The following ST8SIA1 variants were observed in gnomAD, a reference collection of about 807,000 sequenced individuals.
The protein encoded by ST8SIA1 is ST8 alpha-N-acetyl-neuraminide alpha-2,8-sialyltransferase 1, also known as alpha-N-acetylneuraminide alpha-2,8-sialyltransferase.
In ST8SIA1, 16 loss-of-function variants were observed where a neutral mutation model predicts 35.9. The observed-to-expected ratio is 0.45, with a 90% CI of 0.30 to 0.68. The LOEUF is 0.68. Among genes scored for constraint, ST8SIA1 ranks in the 30% least tolerant of loss-of-function variants. The pLI is 0.09. For missense variants in ST8SIA1, 383 were observed against 453.6 expected, an observed-to-expected ratio of 0.84 and a Z score of 1.41; for synonymous variants, 170 against 169.6, an observed-to-expected ratio of 1.00 and a Z score of -0.02.
intron 1 of ST8SIA1, among the ~76,000 whole-genome samples, chr12:22,314,375 T>A (rs1565594096): frequency 1.3e-5 from 2 of 152,084 alleles, no homozygotes. Context: ...ACGTATGCCA[T>A]CATGGTGATA....
intron 2 of ST8SIA1, among the ~76,000 whole-genome samples, chr12:22,280,749 C>T (rs931240523): frequency 1.2e-4 from 18 of 152,168 alleles, no homozygotes; most frequent in Admixed American, 2.6e-4. Context: ...CACTTCTAAT[C>T]GATTGTTTTC....
chr12:22,261,114 A>T (rs764509521), intron 2 of ST8SIA1, among the ~76,000 whole-genome samples: 22 of 150,684 alleles, frequency 1.5e-4, no homozygotes, highest in Non-Finnish European at 2.8e-4. Flanking sequence ...ATTTTGAACA[A>T]ATCAATATTT....
In ST8SIA1 at chr12:22,334,035, C is replaced by A. The variant is rs766742461; in HGVS notation, c.198G>T (p.Thr66=). 2.5e-6 allele frequency: 4 copies of A among 1,613,952 alleles called. No homozygotes were observed. The highest frequency in any genetic ancestry group is 3.4e-6 in the Non-Finnish European group (4 of 1,180,014). ...CCGCGGTCTGGTTCCTCCTCCACGC[C>A]GTGCCCTGTTGCAGCACCCCCTGCA... ...EIVQGVLQQG[T]AWRRNQTAAR... The change falls in exon 1 of 5, where the codon ACG becomes ACT. Residue 66 remains threonine, a synonymous_variant. Transcript: ENST00000396037.
chr12:22,272,634 A>G (rs1356240529), intron 2 of ST8SIA1, among the ~76,000 whole-genome samples: 1 of 152,266 alleles, frequency 6.6e-6, no homozygotes, highest in Non-Finnish European at 1.5e-5. Context: ...TACTGGTATT[A>G]TAATAGCTGT....
At chr12:22,223,918 T>C (rs1591827904) in intron 4 of ST8SIA1, 2 of 748,634 alleles carry the variant, frequency 2.7e-6, no homozygotes, top group Non-Finnish European at 3.4e-6. Context: ...TTATCCTTTA[T>C]ACATTGCTAG....
chr12:22,287,607 T>C (rs1565587368), intron 1 of ST8SIA1, among the ~76,000 whole-genome samples: 1 of 152,286 alleles, frequency 6.6e-6, no homozygotes, highest in East Asian at 1.9e-4. Flanking sequence ...TACTGATTGA[T>C]TTAAACATCC....
At chr12:22,319,681 G>A (rs1374295131) in intron 1 of ST8SIA1, among the ~76,000 whole-genome samples, 2 of 152,124 alleles carry the variant, frequency 1.3e-5, no homozygotes, top group Admixed American at 6.5e-5. Context: ...TCACCTTGGC[G>A]AACATGAAGG....
At chr12:22,212,108 T>A (rs1374587521) in intron 4 of ST8SIA1, among the ~76,000 whole-genome samples, 3 of 152,246 alleles carry the variant, frequency 2.0e-5, no homozygotes, top group African/African-American at 4.8e-5. Flanking sequence ...CTGTGCAGTA[T>A]AAAACACATT....
chr12:22,270,883 C>A (rs2135806079), intron 2 of ST8SIA1, among the ~76,000 whole-genome samples: 1 of 152,250 alleles, frequency 6.6e-6, no homozygotes, highest in Non-Finnish European at 1.5e-5. Flanking sequence ...AAACAGTTGA[C>A]ATTAATTGCT....
intron 4 of ST8SIA1, among the ~76,000 whole-genome samples, chr12:22,227,127 G>A (rs1303496408): frequency 6.6e-6 from 1 of 151,422 alleles, no homozygotes. Flanking sequence ...TGTATTTTTA[G>A]TAGAGACGGG....
At chr12:22,276,199 C>T (rs1328748463) in intron 2 of ST8SIA1, among the ~76,000 whole-genome samples, 1 of 152,156 alleles carries the variant, frequency 6.6e-6, no homozygotes, top group Non-Finnish European at 1.5e-5. Context: ...GAATTTCATG[C>T]ACTTTGATTT....
At chr12:22,283,475 G>C (rs1248367184) in intron 2 of ST8SIA1, among the ~76,000 whole-genome samples, 1 of 152,034 alleles carries the variant, frequency 6.6e-6, no homozygotes, top group African/African-American at 2.4e-5. Context: ...GGAAAGAGCT[G>C]GTCCCAACCC....
chr12:22,195,182 T>G lies in ST8SIA1; in HGVS notation c.*6370A>C. The G allele has an allele frequency of 1.8e-5, 1 of 54,482 alleles. No homozygotes were observed. Among genetic ancestry groups the G allele is most frequent in the Non-Finnish European group, 3.9e-5 (1 of 25,612 alleles). 3.4% of individuals were successfully genotyped at this position (54,482 alleles called of 1,614,324 possible). ...TGGGCAACAAGAGCAAAAAACTCTG[T>G]CTCAACAAAAAAAAAAAAAAAAAAA... On this transcript the variant is annotated 3_prime_UTR_variant, in exon 5 of 5. Coordinates refer to ENST00000396037, the MANE Select transcript of ST8SIA1 (RefSeq NM_003034.4).
At chr12:22,237,180 C>G (rs887834582) in intron 4 of ST8SIA1, among the ~76,000 whole-genome samples, 2 of 152,136 alleles carry the variant, frequency 1.3e-5, no homozygotes, top group African/African-American at 4.8e-5. Flanking sequence ...CTCACTGCAG[C>G]CTTGAACGCC....
chr12:22,232,307 G>C (rs553999140), intron 4 of ST8SIA1, among the ~76,000 whole-genome samples: 20 of 152,298 alleles, frequency 1.3e-4, no homozygotes, highest in Non-Finnish European at 1.6e-4. Flanking sequence ...CATGACAGTG[G>C]AGGAGGTGAA....
chr12:22,322,171 A>G (rs563502774), intron 1 of ST8SIA1, among the ~76,000 whole-genome samples: 34 of 152,302 alleles, frequency 2.2e-4, no homozygotes, highest in Non-Finnish European at 2.6e-4. Flanking sequence ...TGAATCAAAT[A>G]CAGGCAGACA....
At position 22,334,407 on chromosome 12, in the gene ST8SIA1, T is replaced by C. The variant is rs1866819816; in HGVS notation, c.-175A>G. On this transcript the variant is annotated 5_prime_UTR_variant, in exon 1 of 5. Coordinates refer to ENST00000396037, the MANE Select transcript of ST8SIA1 (RefSeq NM_003034.4). Reference sequence around the variant, plus strand: ...CGGCCCCAAAGGTCAGCGCAAGGATTTTTTCAAATGCAACTTTTCCAAGGA... The same window carrying C: ...CGGCCCCAAAGGTCAGCGCAAGGATCTTTTCAAATGCAACTTTTCCAAGGA... 4 of 602,766 alleles carry C rather than the reference T, an allele frequency of 6.6e-6. No individual in the cohort carries two copies. The highest frequency in any genetic ancestry group is 4.4e-4 in the Middle Eastern group (1 of 2,264). The allele number at this position is 602,766 out of a possible 1,614,324, so 37.3% of individuals were successfully genotyped here.
At chr12:22,242,716 G>A (rs1217644576) in intron 4 of ST8SIA1, among the ~76,000 whole-genome samples, 1 of 152,188 alleles carries the variant, frequency 6.6e-6, no homozygotes, top group Non-Finnish European at 1.5e-5. Flanking sequence ...GGCTACAGAT[G>A]GTGCATTGAT....
rs1864996146 is a variant in ST8SIA1 at position 22,196,930 on chromosome 12, A to G, written c.*4622T>C. The G allele has an allele frequency of 6.6e-6, 1 of 152,216 alleles. No homozygotes were observed. The highest frequency in any genetic ancestry group is 1.5e-5 in the Non-Finnish European group (1 of 68,074). The allele number at this position is 152,216 out of a possible 1,614,324, so 9.4% of individuals were successfully genotyped here. A position where few individuals can be genotyped will look rare whatever the true frequency, so the allele number is the denominator to read the frequency against. On this transcript the variant is annotated 3_prime_UTR_variant, in exon 5 of 5. Transcript: ENST00000396037. ...GCAGCTCTCCTGGGAGAGGACAGAGACTGACGGTGCTAAAAAGCCAAGGTT... is the reference window on the plus strand; with the variant it reads ...GCAGCTCTCCTGGGAGAGGACAGAGGCTGACGGTGCTAAAAAGCCAAGGTT...
Sources: allele counts gnomAD v4.1 joint callset (sites outside exome capture counted in the v4.1 genomes callset), GRCh38; gene constraint gnomAD v4.1.1; transcripts MANE v1.5; gene names NCBI Gene and HGNC (gene_info 2026-07-23, HGNC 2026-07-21).